Variants in MGAT4C observed in about 807,000 individuals in gnomAD.
MGAT4C encodes MGAT4 family member C, also known as alpha-1,3-mannosyl-glycoprotein 4-beta-N-acetylglucosaminyltransferase C.
Under a neutral mutation model 40.1 loss-of-function variants are expected in MGAT4C, and 19 were observed. That is an observed-to-expected ratio of 0.47 (90% CI 0.33 to 0.70). The LOEUF (loss-of-function observed/expected upper bound fraction) is 0.70, where lower values mean the gene tolerates loss of function less well. Among genes scored for constraint, MGAT4C ranks in the 30% least tolerant of loss-of-function variants. The pLI is 0.02. For missense variants in MGAT4C, 491 were observed against 563.2 expected (o/e 0.87, Z 1.30); for synonymous variants, 181 against 187.1 (o/e 0.97, Z 0.27).
chr12:86,751,836 G>T (rs917304224), intron 1 of MGAT4C, among the ~76,000 whole-genome samples: 14 of 151,914 alleles, frequency 9.2e-5, no homozygotes, highest in African/African-American at 2.9e-4. Flanking sequence ...TATAAAATGT[G>T]ATAATACTAT....
intron 2 of MGAT4C, among the ~76,000 whole-genome samples, chr12:86,610,650 A>G (rs574899730): frequency 6.6e-6 from 1 of 151,154 alleles, no homozygotes; most frequent in East Asian, 2.0e-4. Context: ...GGTTTGTTAC[A>G]TATGTATACA....
chr12:86,068,474 C>T (rs549831662), intron 1 of MGAT4C: 1 of 151,012 alleles, frequency 6.6e-6, no homozygotes, highest in Non-Finnish European at 1.5e-5. Context: ...TCTTATTTTT[C>T]AGAGTTGATG....
At chr12:86,683,467 T>G (rs1285886860) in intron 2 of MGAT4C, among the ~76,000 whole-genome samples, 1 of 152,160 alleles carries the variant, frequency 6.6e-6, no homozygotes, top group Non-Finnish European at 1.5e-5. Context: ...TTCAACTACT[T>G]CTTCCCATCT....
At position 86,203,470 on chromosome 12, in the gene MGAT4C, G is replaced by A. The variant is rs1320430921; in HGVS notation, c.-57+52769C>T. 2.0e-5 allele frequency among the ~76,000 whole-genome samples: 3 copies of A among 152,042 alleles called. No individual in the cohort carries two copies. In the East Asian group the frequency reaches 5.8e-4, roughly 29 times the overall value. ...GGTAAGTACTCTCAAACATTTCCAG[G>A]AAGAATTTTGGAATCCTTCTTTTGC... On this transcript the variant is annotated intron_variant, in intron 1 of 4. Transcript: ENST00000611864.
intron 1 of MGAT4C, among the ~76,000 whole-genome samples, chr12:86,114,347 A>G (rs904665857): frequency 1.3e-4 from 19 of 151,902 alleles, no homozygotes; most frequent in African/African-American, 4.3e-4. Flanking sequence ...TGATCTGAGT[A>G]GAGGGACTAT....
At chr12:86,652,595 T>C (rs931691628) in intron 2 of MGAT4C, among the ~76,000 whole-genome samples, 5 of 151,902 alleles carry the variant, frequency 3.3e-5, no homozygotes, top group Non-Finnish European at 7.4e-5. Flanking sequence ...TAGGTAGGCA[T>C]AAACAACAGT....
intron 2 of MGAT4C, among the ~76,000 whole-genome samples, chr12:86,562,043 T>C (rs922969398): frequency 1.3e-5 from 2 of 152,174 alleles, no homozygotes; most frequent in Non-Finnish European, 2.9e-5. Context: ...AGTGACTCTA[T>C]ACATATACCT....
At chr12:86,715,162 C>T (rs1391207742) in intron 2 of MGAT4C, among the ~76,000 whole-genome samples, 1 of 151,872 alleles carries the variant, frequency 6.6e-6, no homozygotes, top group Non-Finnish European at 1.5e-5. Context: ...CATGTTTATC[C>T]CCACACAAAA....
At chr12:86,267,291 A>G (rs1952812781) in intron 4 of MGAT4C, among the ~76,000 whole-genome samples, 1 of 152,092 alleles carries the variant, frequency 6.6e-6, no homozygotes, top group Non-Finnish European at 1.5e-5. Context: ...GGTAGGCTGC[A>G]TTTCCATGCT....
chr12:86,082,523 T>G (rs1592886330), intron 1 of MGAT4C, among the ~76,000 whole-genome samples: 1 of 152,104 alleles, frequency 6.6e-6, no homozygotes, highest in Non-Finnish European at 1.5e-5. Flanking sequence ...AGAGATTTAG[T>G]GCAACACAGA....
chr12:86,028,052 T>TG (rs1890393914), intron 2 of MGAT4C: 1 of 1,073,846 alleles, frequency 9.3e-7, no homozygotes, highest in African/African-American at 1.6e-5. Flanking sequence ...GTCAAGAAAG[T>TG]ATCAAACACA....
chr12:85,980,395 T>C lies in MGAT4C; in HGVS notation c.331A>G (p.Lys111Glu), dbSNP rs752431991. ...LTIGLSSVKR[K>E]KGNYLLETIK... ...GTCTCAAGTAAATAGTTTCCTTTTT[T>C]TCGCTTTACTGAAGAAAGTCCAATT... Residue 111 changes from lysine (K) to glutamate (E), a missense_variant, in exon 5 of 5, where the codon AAA (lysine) becomes GAA (glutamate). Transcript: ENST00000611864. 1.2e-6 allele frequency: 2 copies of C among 1,606,622 alleles called. No individual in the cohort carries two copies. Among genetic ancestry groups the C allele is most frequent in the Admixed American group, 1.7e-5 (1 of 58,726 alleles).
At chr12:86,072,390 G>A (rs1868715075) in intron 1 of MGAT4C, among the ~76,000 whole-genome samples, 1 of 150,444 alleles carries the variant, frequency 6.6e-6, no homozygotes, top group Admixed American at 6.6e-5. Flanking sequence ...CTTTTTTATT[G>A]TCATCCACAT....
chr12:86,587,814 G>A (rs1203123829), intron 2 of MGAT4C, among the ~76,000 whole-genome samples: 2 of 151,032 alleles, frequency 1.3e-5, no homozygotes, highest in Non-Finnish European at 3.0e-5. Context: ...CTGAGACTTT[G>A]CTGAAGTTGC....
intron 1 of MGAT4C, among the ~76,000 whole-genome samples, chr12:86,089,711 A>T (rs1872541612): frequency 6.6e-6 from 1 of 150,538 alleles, no homozygotes; most frequent in Non-Finnish European, 1.5e-5. Flanking sequence ...ATTAATAACC[A>T]TTTTTTTTGC....
At chr12:86,138,591 CCATATATATATTTCCATAGATATAT>C (rs1227726738) in intron 1 of MGAT4C, among the ~76,000 whole-genome samples, 2 of 142,472 alleles carry the variant, frequency 1.4e-5, no homozygotes, top group African/African-American at 5.2e-5. Flanking sequence ...ATATATATTT[CCATATATATATTTCCATAGATATAT>C]CATATATATA....
chr12:86,473,167 G>A (rs1184547976), intron 2 of MGAT4C, among the ~76,000 whole-genome samples: 1 of 152,088 alleles, frequency 6.6e-6, no homozygotes, highest in Non-Finnish European at 1.5e-5. Flanking sequence ...ATGTTGGCCA[G>A]GCTAGTCACG....
At chr12:86,299,625 C>G (rs902721901) in intron 4 of MGAT4C, among the ~76,000 whole-genome samples, 6 of 152,108 alleles carry the variant, frequency 3.9e-5, no homozygotes, top group East Asian at 3.9e-4. Context: ...GAACTTGATA[C>G]AGCTCAAATA....
At chr12:86,041,464 A>G (rs963441849) in intron 2 of MGAT4C, among the ~76,000 whole-genome samples, 9 of 152,122 alleles carry the variant, frequency 5.9e-5, no homozygotes, top group Admixed American at 1.3e-4. Context: ...TTAGCACCAT[A>G]AGTTTCCCTC....
Sources: gnomAD v4.1 joint callset for allele counts (sites outside exome capture counted in the v4.1 genomes callset) on GRCh38, gnomAD v4.1.1 for gene constraint, MANE v1.5 for transcripts, NCBI Gene and HGNC (gene_info 2026-07-23, HGNC 2026-07-21) for gene names.